Variants in SLC4A4 observed in about 807,000 individuals in gnomAD.
The protein encoded by SLC4A4 is solute carrier family 4 member 4.
Under a neutral mutation model 111.5 loss-of-function variants are expected in SLC4A4, and 27 were observed. That is an observed-to-expected ratio of 0.24 (90% CI 0.18 to 0.33). SLC4A4 has a LOEUF of 0.33. Among genes scored for constraint, SLC4A4 ranks in the 10% least tolerant of loss-of-function variants. The probability of loss-of-function intolerance (pLI) is 1.00; values close to 1 mark genes in which losing one functional copy is unlikely to be tolerated. For synonymous variants in SLC4A4, 443 were observed against 463.4 expected, an observed-to-expected ratio of 0.96 and a Z score of 0.57; for missense variants, 909 against 1,315.5, an observed-to-expected ratio of 0.69 and a Z score of 4.78.
intron 1 of SLC4A4, among the ~76,000 whole-genome samples, chr4:71,207,035 A>C (rs572126244): frequency 9.9e-5 from 15 of 152,254 alleles, no homozygotes; most frequent in Admixed American, 8.5e-4. Context: ...GCATAATGGT[A>C]CTAGTAATCT....
At chr4:71,236,982 C>T (rs967242197) in intron 2 of SLC4A4, among the ~76,000 whole-genome samples, 2 of 152,088 alleles carry the variant, frequency 1.3e-5, no homozygotes, top group Non-Finnish European at 2.9e-5. Flanking sequence ...GAAAGCTGCT[C>T]GATTTATATA....
chr4:71,063,461 G>A (rs1194676495), intron 1 of SLC4A4, among the ~76,000 whole-genome samples: 1 of 151,754 alleles, frequency 6.6e-6, no homozygotes, highest in African/African-American at 2.4e-5. Context: ...CATAACTAAA[G>A]AATTTTATTA....
chr4:71,064,349 T>C (rs1022983462), intron 1 of SLC4A4, among the ~76,000 whole-genome samples: 5 of 152,210 alleles, frequency 3.3e-5, no homozygotes, highest in African/African-American at 1.2e-4. Flanking sequence ...GGTAGAGCTA[T>C]TGTTAATATG....
chr4:71,156,292 G>A (rs972117999), intron 2 of SLC4A4, among the ~76,000 whole-genome samples: 1 of 152,090 alleles, frequency 6.6e-6, no homozygotes, highest in African/African-American at 2.4e-5. Flanking sequence ...ATCACAGTCT[G>A]GTGAGGTAAA....
At chr4:71,202,397 C>T (rs1746297931) in intron 1 of SLC4A4, among the ~76,000 whole-genome samples, 2 of 152,206 alleles carry the variant, frequency 1.3e-5, no homozygotes, top group Non-Finnish European at 2.9e-5. Context: ...TGAAATGACT[C>T]ACCCTTCCCC....
At chr4:71,262,185 G>A (rs1721905917) in intron 3 of SLC4A4, among the ~76,000 whole-genome samples, 1 of 152,164 alleles carries the variant, frequency 6.6e-6, no homozygotes, top group Non-Finnish European at 1.5e-5. Context: ...GGGTCTTCTT[G>A]AAATAGTATT....
chr4:71,121,401 C>T (rs889303716), intron 2 of SLC4A4, among the ~76,000 whole-genome samples: 56 of 152,242 alleles, frequency 3.7e-4, no homozygotes, highest in African/African-American at 1.3e-3. Flanking sequence ...GCGGCCCTGG[C>T]ACTGCATCCA....
intron 2 of SLC4A4, among the ~76,000 whole-genome samples, chr4:71,141,595 C>T (rs1743999781): frequency 6.6e-6 from 1 of 152,202 alleles, no homozygotes; most frequent in Non-Finnish European, 1.5e-5. Context: ...TGTCTTCACT[C>T]TTTCAGAAAT....
chr4:71,482,109 CA>C (rs1344580204), intron 14 of SLC4A4, among the ~76,000 whole-genome samples: 1 of 151,600 alleles, frequency 6.6e-6, no homozygotes, highest in Non-Finnish European at 1.5e-5. Context: ...AAATGGTAAC[CA>C]ACGGTTCTTG....
intron 18 of SLC4A4, among the ~76,000 whole-genome samples, chr4:71,536,457 C>CATATATATATAT (rs1238920856): frequency 0.039 from 1,205 of 31,068 alleles, 119 homozygotes; most frequent in Non-Finnish European, 0.055. Context: ...TACATATATA[C>CATATATATATAT]ATATATACAT....
intron 6 of SLC4A4, among the ~76,000 whole-genome samples, chr4:71,391,918 G>A (rs1719320769): frequency 6.6e-6 from 1 of 152,006 alleles, no homozygotes; most frequent in African/African-American, 2.4e-5. Flanking sequence ...GGTGCAAGGT[G>A]ACATTTTTCT....
rs113469944 is a variant in SLC4A4 at position 71,476,783 on chromosome 4, G to A, written c.1903+3813G>A. ...ATAGGTTTACTGAGCAACTAAGGAA[G>A]CTTAGTTGCAAGTGCTAGTAGGAAA... On this transcript the variant is annotated intron_variant, in intron 14 of 25. Transcript: ENST00000264485. Among the ~76,000 whole-genome samples, 116 of 151,788 alleles carry A rather than the reference G, an allele frequency of 7.6e-4. 1 individual carries two copies. The highest frequency in any genetic ancestry group is 2.7e-3 in the African/African-American group (114 of 41,488).
chr4:71,447,849 G>A, intron 9 of SLC4A4, 116 bp downstream of exon 9: 1 of 749,738 alleles, frequency 1.3e-6, no homozygotes, highest in South Asian at 1.5e-5. Context: ...CTTCCTTATA[G>A]CATGAGGTAC....
intron 2 of SLC4A4, among the ~76,000 whole-genome samples, chr4:71,113,589 C>T (rs531361982): frequency 1.3e-5 from 2 of 152,304 alleles, no homozygotes; most frequent in Admixed American, 1.3e-4. Flanking sequence ...GGACTCTGTT[C>T]CCTTTCCATC....
intron 1 of SLC4A4, among the ~76,000 whole-genome samples, chr4:71,216,407 C>G (rs2012215): frequency 6.6e-6 from 1 of 152,100 alleles, no homozygotes; most frequent in Non-Finnish European, 1.5e-5. Context: ...ACAAACAGGT[C>G]TGTATTTCCC....
intron 6 of SLC4A4, among the ~76,000 whole-genome samples, chr4:71,369,837 C>G (rs1479429852): frequency 3.3e-5 from 5 of 151,964 alleles, no homozygotes. Flanking sequence ...AAGGTGATTC[C>G]CTGTCCTTGG....
chr4:71,226,376 G>A (rs193028883), intron 1 of SLC4A4, among the ~76,000 whole-genome samples: 29 of 152,192 alleles, frequency 1.9e-4, no homozygotes, highest in African/African-American at 5.1e-4. Context: ...TATTCTGTTC[G>A]TGGAACAAAC....
chr4:71,423,181 T>C (rs1249952965), intron 7 of SLC4A4, among the ~76,000 whole-genome samples: 1 of 152,150 alleles, frequency 6.6e-6, no homozygotes, highest in Non-Finnish European at 1.5e-5. Flanking sequence ...ACAAGCGTTC[T>C]TATACACCAA....
chr4:71,385,884 T>C (rs1343352894), intron 6 of SLC4A4, among the ~76,000 whole-genome samples: 2 of 152,204 alleles, frequency 1.3e-5, no homozygotes, highest in Non-Finnish European at 2.9e-5. Flanking sequence ...CATTCTGGCA[T>C]TGACTTTCAT....
Sources: gnomAD v4.1 joint callset for allele counts (sites outside exome capture counted in the v4.1 genomes callset) on GRCh38, gnomAD v4.1.1 for gene constraint, MANE v1.5 for transcripts, NCBI Gene and HGNC (gene_info 2026-07-23, HGNC 2026-07-21) for gene names.